The following LEMD3 variants were observed in gnomAD, a reference collection of about 807,000 sequenced individuals.
LEMD3 encodes the protein LEM domain containing 3, also known as inner nuclear membrane protein Man1.
Under a neutral mutation model 95.2 loss-of-function variants are expected in LEMD3, and 33 were observed. That is an observed-to-expected ratio of 0.35 (90% CI 0.26 to 0.46). The LOEUF is 0.46. Among genes scored for constraint, LEMD3 ranks in the 20% least tolerant of loss-of-function variants. The pLI is 1.00. For synonymous variants in LEMD3, 525 were observed against 474.6 expected (o/e 1.11, Z -1.38); for missense variants, 1,210 against 1,192.8 (o/e 1.01, Z -0.21).
intron 1 of LEMD3, 146 bp from the exon 2 acceptor site, chr12:65,210,780 C>A (rs917642630): frequency 3.1e-5 from 23 of 751,760 alleles, no homozygotes; most frequent in African/African-American, 2.7e-4. Context: ...CTTCCCTAAC[C>A]TTTATTATCA....
intron 1 of LEMD3, among the ~76,000 whole-genome samples, chr12:65,179,028 A>G (rs1286280279): frequency 6.6e-6 from 1 of 152,154 alleles, no homozygotes; most frequent in Non-Finnish European, 1.5e-5. Flanking sequence ...GGGAGGGGGC[A>G]TCTGCTATGA....
At chr12:65,231,557 C>T (rs1870630508) in intron 4 of LEMD3, among the ~76,000 whole-genome samples, 1 of 151,994 alleles carries the variant, frequency 6.6e-6, no homozygotes, top group Admixed American at 6.6e-5. Context: ...TGTGGTGGCA[C>T]ATGGCTCTGT....
At chr12:65,238,613 T>G (rs1174973506) in intron 5 of LEMD3, 32 bp downstream of exon 5, 1 of 1,610,664 alleles carries the variant, frequency 6.2e-7, no homozygotes, top group Non-Finnish European at 8.5e-7. Context: ...TTGACCATTC[T>G]GTACTGGGAG....
At position 65,248,316 on chromosome 12, in the gene LEMD3, T is replaced by A. The variant is rs1193012381; in HGVS notation, c.*1991T>A. ...AAAGGAAAAAATTCTAATTAAAAATTTATTAGTTTTTTTTTATGTGTCTTG... is the reference window on the plus strand; with the variant it reads ...AAAGGAAAAAATTCTAATTAAAAATATATTAGTTTTTTTTTATGTGTCTTG... On this transcript the variant is annotated 3_prime_UTR_variant, in exon 13 of 13. Transcript: ENST00000308330. The A allele has an allele frequency of 6.6e-6, 1 of 152,100 alleles. No homozygotes were observed. Among genetic ancestry groups the A allele is most frequent in the East Asian group, 1.9e-4 (1 of 5,198 alleles). 9.4% of individuals were successfully genotyped at this position (152,100 alleles called of 1,614,324 possible).
chr12:65,217,060 A>G (rs903500671), intron 3 of LEMD3, among the ~76,000 whole-genome samples: 3 of 152,182 alleles, frequency 2.0e-5, no homozygotes, highest in Non-Finnish European at 4.4e-5. Context: ...TCTCTGTAGC[A>G]TTGTTTTATC....
intron 4 of LEMD3, among the ~76,000 whole-genome samples, chr12:65,228,238 A>G (rs1253207942): frequency 1.3e-5 from 2 of 152,158 alleles, no homozygotes; most frequent in Non-Finnish European, 2.9e-5. Flanking sequence ...GCAGCAATAG[A>G]GTATAAGATT....
intron 1 of LEMD3, among the ~76,000 whole-genome samples, chr12:65,172,077 G>A (rs561511774): frequency 6.6e-6 from 1 of 152,278 alleles, no homozygotes; most frequent in South Asian, 2.1e-4. Context: ...CAGAGATTAA[G>A]GCCTTGAGTT....
At chr12:65,246,042 A>G in intron 12 of LEMD3, 103 bp downstream of exon 12, 2 of 1,267,800 alleles carry the variant, frequency 1.6e-6, no homozygotes, top group Non-Finnish European at 2.3e-6. Context: ...CATTTTTTTG[A>G]GTAATAATTT....
chr12:65,178,620 CG>C (rs1260858805), intron 1 of LEMD3, among the ~76,000 whole-genome samples: 2 of 152,114 alleles, frequency 1.3e-5, no homozygotes, highest in Non-Finnish European at 2.9e-5. Context: ...CTAACCCTTA[CG>C]TAGCATTAAC....
intron 8 of LEMD3, 26 bp downstream of exon 8, chr12:65,240,264 A>G (rs368417734): frequency 6.6e-6 from 10 of 1,519,360 alleles, no homozygotes; most frequent in African/African-American, 1.4e-5. Context: ...TATGAGTTCA[A>G]GTAAATCAGA....
rs745760794 is a variant in LEMD3, at chr12:65,238,535, A to G, written c.1729A>G (p.Thr577Ala). 1 of 1,609,264 alleles carries G rather than the reference A, an allele frequency of 6.2e-7. No individual in the cohort carries two copies. Among genetic ancestry groups the G allele is most frequent in the Non-Finnish European group, 8.5e-7 (1 of 1,175,646 alleles). ...LGPEYEGIFN[T>A]SLQWILENGK... is the part of the protein sequence containing the mutation. ...TCCTGAATATGAAGGTATATTTAAC[A>G]CTTCATTGCAGTGGATCTTAGAAAA... The change falls in exon 5 of 13, where the codon ACT becomes GCT. Residue 577 changes from threonine to alanine, a missense_variant. By Grantham distance (58) the Thr-to-Ala change is moderately conservative. Coordinates refer to ENST00000308330, the MANE Select transcript of LEMD3 (RefSeq NM_014319.5).
At chr12:65,202,230 CTGGTCT>C (rs1319337952) in intron 1 of LEMD3, among the ~76,000 whole-genome samples, 2 of 152,000 alleles carry the variant, frequency 1.3e-5, no homozygotes, top group Admixed American at 1.3e-4. Flanking sequence ...GTTGGCCAGA[CTGGTCT>C]TGAACTCCTG....
chr12:65,221,181 T>C (rs77808486), intron 4 of LEMD3, among the ~76,000 whole-genome samples: 2 of 7,632 alleles, frequency 2.6e-4, no homozygotes, highest in Non-Finnish European at 2.2e-3. Context: ...TCATTCAGCT[T>C]TTTTTTTTTT....
chr12:65,208,230 T>C (rs1487949717), intron 1 of LEMD3, among the ~76,000 whole-genome samples: 1 of 151,974 alleles, frequency 6.6e-6, no homozygotes, highest in African/African-American at 2.4e-5. Context: ...AAAAAAGCAA[T>C]AGTGAGAGGC....
chr12:65,243,252 T>A, intron 9 of LEMD3, 136 bp from the exon 10 acceptor site: 1 of 667,658 alleles, frequency 1.5e-6, no homozygotes, highest in Non-Finnish European at 2.8e-6. Flanking sequence ...ACTGTCTTAC[T>A]CACCTTAACA....
At chr12:65,240,616 G>A in intron 8 of LEMD3, 1 of 419,264 alleles carries the variant, frequency 2.4e-6, no homozygotes, top group Non-Finnish European at 4.2e-6. Context: ...AAACTAAAAT[G>A]CAACTTTTTG....
At chr12:65,217,861 AG>A (rs1471167162) in intron 3 of LEMD3, among the ~76,000 whole-genome samples, 4 of 152,114 alleles carry the variant, frequency 2.6e-5, no homozygotes, top group Admixed American at 6.6e-5. Context: ...TCTGTCACTC[AG>A]GCTGGAGTGA....
chr12:65,224,402 T>G (rs537358622), intron 4 of LEMD3, among the ~76,000 whole-genome samples: 2 of 152,302 alleles, frequency 1.3e-5, no homozygotes, highest in South Asian at 4.1e-4. Flanking sequence ...CTTTCCACAG[T>G]TTCAGTAACA....
intron 1 of LEMD3, among the ~76,000 whole-genome samples, chr12:65,183,532 T>C (rs1011943285): frequency 6.6e-6 from 1 of 152,194 alleles, no homozygotes; most frequent in Admixed American, 6.5e-5. Flanking sequence ...GTAATAACTC[T>C]ATGATGTCAG....
Sources: gnomAD v4.1 joint callset for allele counts (sites outside exome capture counted in the v4.1 genomes callset) on GRCh38, gnomAD v4.1.1 for gene constraint, MANE v1.5 for transcripts, NCBI Gene and HGNC (gene_info 2026-07-23, HGNC 2026-07-21) for gene names.